Variants in FAF1 observed in about 807,000 individuals in gnomAD.
FAF1 encodes the protein FAS-associated factor 1.
FAF1 carries 25 observed loss-of-function variants against 92.5 expected under a neutral mutation model. The observed-to-expected ratio is 0.27, with a 90% CI of 0.20 to 0.38. FAF1 has a LOEUF of 0.38. Among genes scored for constraint, FAF1 ranks in the 10% least tolerant of loss-of-function variants. The pLI, the probability that FAF1 is intolerant of heterozygous loss-of-function variation, is 1.00. For synonymous variants in FAF1, 234 were observed against 273.2 expected, an observed-to-expected ratio of 0.86 and a Z score of 1.42; for missense variants, 636 against 793.3, an observed-to-expected ratio of 0.80 and a Z score of 2.38.
At position 50,438,639 on chromosome 1, in the gene FAF1, C is replaced by T. The variant is rs1646145942; in HGVS notation, c.*2801G>A. 6.6e-6 allele frequency: 1 copy of T among 152,168 alleles called. No individual in the cohort carries two copies. The highest frequency in any genetic ancestry group is 1.5e-5 in the Non-Finnish European group (1 of 68,020). The allele number at this position is 152,168 out of a possible 1,614,324, so 9.4% of individuals were successfully genotyped here. On this transcript the variant is annotated 3_prime_UTR_variant, in exon 19 of 19. Coordinates refer to ENST00000396153, the MANE Select transcript of FAF1 (RefSeq NM_007051.3). ...GAGAATTAAGACCCTCTCCCACATTCAAATGAAAAAGTCTATACTTTGGGG... is the reference window on the plus strand; with the variant it reads ...GAGAATTAAGACCCTCTCCCACATTTAAATGAAAAAGTCTATACTTTGGGG...
At chr1:50,926,525 C>T (rs1645007158) in intron 1 of FAF1, among the ~76,000 whole-genome samples, 4 of 151,352 alleles carry the variant, frequency 2.6e-5, no homozygotes, top group Admixed American at 2.6e-4. Context: ...TGTGGGGTGA[C>T]ATGGTTAACT....
At chr1:50,457,884 A>C (rs1305235912) in intron 18 of FAF1, among the ~76,000 whole-genome samples, 1 of 147,746 alleles carries the variant, frequency 6.8e-6, no homozygotes, top group Non-Finnish European at 1.5e-5. Context: ...AAAAAAAAAA[A>C]GGTAAAAGTT....
At chr1:50,886,776 C>G (rs551206121) in intron 1 of FAF1, among the ~76,000 whole-genome samples, 1 of 152,306 alleles carries the variant, frequency 6.6e-6, no homozygotes, top group African/African-American at 2.4e-5. Context: ...TCCAGTCTAT[C>G]ATTGATGGAC....
At chr1:50,884,422 C>T (rs757997561) in intron 1 of FAF1, among the ~76,000 whole-genome samples, 4 of 148,624 alleles carry the variant, frequency 2.7e-5, no homozygotes, top group Non-Finnish European at 4.5e-5. Flanking sequence ...CAGCTACTCG[C>T]GATGCTGAGG....
In FAF1 at chr1:50,786,089, G is replaced by A. The variant is rs898052760; in HGVS notation, c.367+1911C>T. Among the ~76,000 whole-genome samples, 7 of 150,970 alleles carry A rather than the reference G, an allele frequency of 4.6e-5. No homozygotes were observed. In the East Asian group the frequency reaches 5.8e-4, roughly 13 times the overall value. Reference sequence around the variant, plus strand: ...TGAGGCTACAGTGAGCCGCGATCACGCCACTGCACTCCAGCCTGGGTGACA... The same window carrying A: ...TGAGGCTACAGTGAGCCGCGATCACACCACTGCACTCCAGCCTGGGTGACA... On this transcript the variant is annotated intron_variant, in intron 4 of 18. Coordinates refer to ENST00000396153, the MANE Select transcript of FAF1 (RefSeq NM_007051.3).
At chr1:50,502,500 G>A (rs773873408) in intron 15 of FAF1, among the ~76,000 whole-genome samples, 28 of 152,186 alleles carry the variant, frequency 1.8e-4, no homozygotes, top group Non-Finnish European at 3.7e-4. Context: ...TGAGCATTCC[G>A]AGTGAATTAG....
At chr1:50,835,898 C>A (rs1243687314) in intron 2 of FAF1, among the ~76,000 whole-genome samples, 1 of 152,046 alleles carries the variant, frequency 6.6e-6, no homozygotes, top group Non-Finnish European at 1.5e-5. Flanking sequence ...AAAAAAGGAA[C>A]AATTTTGTGG....
chr1:50,503,829 C>T (rs948140463), intron 15 of FAF1, among the ~76,000 whole-genome samples: 10 of 151,870 alleles, frequency 6.6e-5, no homozygotes, highest in African/African-American at 2.4e-4. Context: ...TTCTAGAAAA[C>T]GCAAACAAAT....
chr1:50,792,523 CAA>C (rs750324866), intron 3 of FAF1, among the ~76,000 whole-genome samples: 12 of 152,152 alleles, frequency 7.9e-5, no homozygotes, highest in East Asian at 1.9e-4. Context: ...TGAAAACTCT[CAA>C]AAGAGTCCAC....
intron 17 of FAF1, 89 bp from the exon 18 acceptor site, chr1:50,475,768 T>C (rs964459208): frequency 3.9e-6 from 3 of 772,866 alleles, no homozygotes; most frequent in Non-Finnish European, 6.1e-6. Context: ...AAGCTGCTGT[T>C]TTCTAGAAAT....
At chr1:50,503,189 T>G (rs1437569524) in intron 15 of FAF1, among the ~76,000 whole-genome samples, 1 of 152,168 alleles carries the variant, frequency 6.6e-6, no homozygotes, top group Non-Finnish European at 1.5e-5. Flanking sequence ...AAAGGTTAAA[T>G]TATCCTATTA....
chr1:50,788,196 T>A lies in FAF1; in HGVS notation c.171A>T (p.Gly57=), dbSNP rs563506145. The A allele has an allele frequency of 2.2e-5, 36 of 1,613,166 alleles. No homozygotes were observed. In the African/African-American group the frequency reaches 4.8e-4, roughly 22 times the overall value. The change falls in exon 4 of 19, where the codon GGA becomes GGT. Residue 57 remains glycine, a synonymous_variant. Transcript: ENST00000396153. ...QENGILQSEY[G]GETIPGPAFN... ...ATGCAGGTCCTGGTATGGTCTCACC[T>A]CCATATTCACTAAAATGTTGACATA...
intron 1 of FAF1, among the ~76,000 whole-genome samples, chr1:50,952,066 C>A (rs1291007233): frequency 2.0e-5 from 3 of 152,124 alleles, no homozygotes; most frequent in Non-Finnish European, 4.4e-5. Flanking sequence ...TGGTGATAAC[C>A]CAATATAAGA....
intron 13 of FAF1, among the ~76,000 whole-genome samples, chr1:50,555,928 G>C (rs527644817): frequency 4.0e-5 from 6 of 151,468 alleles, no homozygotes; most frequent in Admixed American, 6.6e-5. Context: ...ATAAAATTAG[G>C]TGTGTGTATA....
chr1:50,749,167 T>C (rs889515200), intron 4 of FAF1, among the ~76,000 whole-genome samples: 1 of 152,178 alleles, frequency 6.6e-6, no homozygotes, highest in African/African-American at 2.4e-5. Context: ...ATATAAACAT[T>C]GCCTTTTTGC....
intron 15 of FAF1, among the ~76,000 whole-genome samples, chr1:50,498,715 G>A (rs1646939465): frequency 1.3e-5 from 2 of 151,986 alleles, no homozygotes; most frequent in African/African-American, 4.8e-5. Context: ...CTGGGTGTGG[G>A]GGCGCATGCC....
rs539064932 is a variant in FAF1, at chr1:50,807,387, G to A, written c.115-5710C>T. Reference sequence around the variant, plus strand: ...TCCTCAGGAAACTTACAGTAATGCCGGTAGGGCGAAGGGGAAGCAAGCACA... The same window carrying A: ...TCCTCAGGAAACTTACAGTAATGCCAGTAGGGCGAAGGGGAAGCAAGCACA... On this transcript the variant is annotated intron_variant, in intron 2 of 18. Transcript: ENST00000396153. Among the ~76,000 whole-genome samples, 25 of 152,324 alleles carry A rather than the reference G, an allele frequency of 1.6e-4. No homozygotes were observed. In the East Asian group the frequency reaches 2.1e-3, roughly 13 times the overall value.
chr1:50,558,249 T>C (rs953784955), intron 13 of FAF1, among the ~76,000 whole-genome samples: 1 of 136,252 alleles, frequency 7.3e-6, no homozygotes, highest in Admixed American at 7.0e-5. Context: ...TAGAATAAGA[T>C]ATTTATCTTA....
At position 50,932,423 on chromosome 1, in the gene FAF1, T is replaced by C. The variant is rs1645055328; in HGVS notation, c.45+27344A>G. 3.3e-5 allele frequency among the ~76,000 whole-genome samples: 5 copies of C among 152,306 alleles called. No individual in the cohort carries two copies. In the South Asian group the frequency reaches 8.3e-4, roughly 25 times the overall value. On this transcript the variant is annotated intron_variant, in intron 1 of 18. Coordinates refer to ENST00000396153, the MANE Select transcript of FAF1 (RefSeq NM_007051.3). ...AAAACAAAGGGGTTACAGGGCCCAT[T>C]CAAGTGTGAAATCCAGCGGGGCAGT...
Sources: allele counts gnomAD v4.1 joint callset (sites outside exome capture counted in the v4.1 genomes callset), GRCh38; gene constraint gnomAD v4.1.1; transcripts MANE v1.5; gene names NCBI Gene and HGNC (gene_info 2026-07-23, HGNC 2026-07-21).